The following PEX2 variants were observed in gnomAD, a reference collection of about 807,000 sequenced individuals.
The protein encoded by PEX2 is peroxisome biogenesis factor 2.
A neutral mutation model predicts 25.2 loss-of-function variants in PEX2; 19 were observed. The ratio of observed to expected loss-of-function variants is 0.75; its 90% CI spans 0.53 to 1.10. The LOEUF is 1.10. Ranked by LOEUF, PEX2 falls within the 50% of genes least tolerant of loss-of-function variation. The pLI is 0.00. For missense variants in PEX2, 347 were observed against 350.6 expected, an observed-to-expected ratio of 0.99 and a Z score of 0.08; for synonymous variants, 141 against 127.7, an observed-to-expected ratio of 1.10 and a Z score of -0.70.
rs764944484 is a variant in PEX2 at position 76,984,036 on chromosome 8, A to G, written c.143T>C (p.Leu48Pro). ...TQCFHGFKPG[L>P]LARFEPEVKA... ...CACCTCTGGCTCAAAGCGAGCTAAC[A>G]GCCCAGGTTTAAATCCATGAAAGCA... is the stretch of plus-strand genomic sequence containing the variant. Residue 48 changes from leucine (L) to proline (P), a missense_variant, in exon 4 of 4, where the codon CTG (leucine) becomes CCG (proline). By Grantham distance (98) the Leu-to-Pro change is moderately conservative. Coordinates refer to ENST00000357039, the MANE Select transcript of PEX2 (RefSeq NM_000318.3). 15 of 1,613,410 alleles carry G rather than the reference A, an allele frequency of 9.3e-6. No homozygotes were observed. The highest frequency in any genetic ancestry group is 1.2e-5 in the Non-Finnish European group (14 of 1,179,542).
intron 1 of PEX2, among the ~76,000 whole-genome samples, chr8:76,998,761 C>T (rs986893572): frequency 6.6e-6 from 1 of 152,136 alleles, no homozygotes; most frequent in African/African-American, 2.4e-5. Context: ...AAAATTTCTA[C>T]ACAAGTTCTC....
chr8:76,985,931 G>A (rs1163200074), intron 3 of PEX2, among the ~76,000 whole-genome samples: 1 of 152,138 alleles, frequency 6.6e-6, no homozygotes, highest in East Asian at 1.9e-4. Flanking sequence ...TTATTAGAAG[G>A]TAAAGTAAAC....
intron 1 of PEX2, chr8:76,999,734 A>G: frequency 2.4e-6 from 1 of 418,352 alleles, no homozygotes; most frequent in South Asian, 1.7e-5. Flanking sequence ...TGGAATGCAG[A>G]GGGGCTCAAC....
intron 1 of PEX2, among the ~76,000 whole-genome samples, chr8:76,996,185 C>T (rs1246311775): frequency 1.3e-5 from 2 of 152,188 alleles, no homozygotes; most frequent in African/African-American, 4.8e-5. Context: ...TTAACACCTA[C>T]CAGTTACTGA....
chr8:76,988,834 C>A (rs761171127), intron 1 of PEX2, among the ~76,000 whole-genome samples: 5 of 152,070 alleles, frequency 3.3e-5, no homozygotes, highest in South Asian at 4.1e-4. Context: ...ATCTTTTCAA[C>A]AATGTTTACA....
chr8:76,992,767 A>ATTCAATCTC (rs1807210493), intron 1 of PEX2, among the ~76,000 whole-genome samples: 1 of 152,236 alleles, frequency 6.6e-6, no homozygotes, highest in Non-Finnish European at 1.5e-5. Context: ...TCTCCTAGGT[A>ATTCAATCTC]CTAGAGATTC....
At chr8:76,993,449 C>T (rs970373810) in intron 1 of PEX2, among the ~76,000 whole-genome samples, 1 of 152,172 alleles carries the variant, frequency 6.6e-6, no homozygotes, top group African/African-American at 2.4e-5. Context: ...TATCCTTTCA[C>T]ATTTTTGGGT....
Position 76,983,691 on chromosome 8 carries a change from A to C in PEX2, c.488T>G (p.Phe163Cys), listed in dbSNP as rs781502702. Reference protein sequence around the residue: ...NFLIFLQRGKFATLTERLLGI... With the variant: ...NFLIFLQRGKCATLTERLLGI... The stretch of plus-strand genomic sequence containing the variant: ...TAGGAGACGTTCTGTCAAAGTTGCA[A>C]ACTTTCCCCTCTGAAGGAAAATCAA... The change falls in exon 4 of 4, where the codon TTT becomes TGT. Residue 163 changes from phenylalanine (F) to cysteine (C), a missense_variant. Physicochemically the swap from Phe to Cys is radical, Grantham distance 205. Coordinates refer to ENST00000357039, the MANE Select transcript of PEX2 (RefSeq NM_000318.3). 59 of 1,614,042 alleles carry C rather than the reference A, an allele frequency of 3.7e-5. No homozygotes were observed. Among genetic ancestry groups the C allele is most frequent in the Non-Finnish European group, 3.6e-5 (43 of 1,180,040 alleles).
At chr8:76,999,857 A>G in intron 1 of PEX2, 133 bp downstream of exon 1, 1 of 456,562 alleles carries the variant, frequency 2.2e-6, no homozygotes, top group South Asian at 1.5e-5. Context: ...TGCCTTTTCC[A>G]GGGAGACAGG....
chr8:76,987,610 TGAGA>T (rs1807044352), intron 2 of PEX2, among the ~76,000 whole-genome samples: 3 of 152,128 alleles, frequency 2.0e-5, no homozygotes, highest in Admixed American at 1.3e-4. Context: ...GAATAGAGGC[TGAGA>T]GAAAGACTGG....
intron 1 of PEX2, among the ~76,000 whole-genome samples, chr8:76,998,076 G>C (rs1300082192): frequency 6.6e-6 from 1 of 152,102 alleles, no homozygotes; most frequent in African/African-American, 2.4e-5. Context: ...CATCAAAAGA[G>C]GAAAAAATGA....
Position 76,983,319 on chromosome 8 carries a change from ACTT to A in PEX2, c.857_859del (p.Glu286del), listed in dbSNP as rs1460738027. ...TGATTTCAGTGGCTGCAGACTGTGT[ACTT>A]CTGTGCCACACTTAGGACAAGTAAA... On this transcript the variant is annotated inframe_deletion, in exon 4 of 4. Coordinates refer to ENST00000357039, the MANE Select transcript of PEX2 (RefSeq NM_000318.3). The A allele has an allele frequency of 6.2e-7, 1 of 1,613,884 alleles. No homozygotes were observed. Among genetic ancestry groups the A allele is most frequent in the Non-Finnish European group, 8.5e-7 (1 of 1,180,022 alleles).
In PEX2 at chr8:76,982,279, C is replaced by A. The variant is rs902903958; in HGVS notation, c.*982G>T. ...GCTGTTACTATTCCCATGCTAAAGA[C>A]CCCTTTTGTTTCAATAAAACTATCA... On this transcript the variant is annotated 3_prime_UTR_variant, in exon 4 of 4. Transcript: ENST00000357039. 9.2e-5 allele frequency: 14 copies of A among 152,092 alleles called. No individual in the cohort carries two copies. The highest frequency in any genetic ancestry group is 3.4e-4 in the African/African-American group (14 of 41,408). The allele number at this position is 152,092 out of a possible 1,614,324, so 9.4% of individuals were successfully genotyped here. A position where few individuals can be genotyped will look rare whatever the true frequency, so the allele number is the denominator to read the frequency against.
At chr8:76,987,997 G>A (rs967794044) in intron 2 of PEX2, 1 of 152,116 alleles carries the variant, frequency 6.6e-6, no homozygotes, top group African/African-American at 2.4e-5. Context: ...TGCCCCTCTG[G>A]TAAAACTAAT....
chr8:76,999,765 T>C (rs1486495389), intron 1 of PEX2: 1 of 450,752 alleles, frequency 2.2e-6, no homozygotes, highest in Non-Finnish European at 4.5e-6. Flanking sequence ...TGTGTGTTTA[T>C]TTTTAATGCC....
In PEX2 at chr8:76,982,877, CATT is replaced by C. The variant is rs1806878752; in HGVS notation, c.*381_*383del. 3.9e-6 allele frequency: 1 copy of C among 254,566 alleles called. No individual in the cohort carries two copies. Among genetic ancestry groups the C allele is most frequent in the Non-Finnish European group, 7.6e-6 (1 of 132,238 alleles). 15.8% of individuals were successfully genotyped at this position (254,566 alleles called of 1,614,324 possible). On this transcript the variant is annotated 3_prime_UTR_variant, in exon 4 of 4. Transcript: ENST00000357039. ...GTTTAAAACAGTCTCATAATTGTCA[CATT>C]ATCATATTATGTCAACTCTGAAAAT...
intron 1 of PEX2, among the ~76,000 whole-genome samples, chr8:76,990,515 T>C (rs1035849829): frequency 3.9e-5 from 6 of 152,206 alleles, no homozygotes; most frequent in Non-Finnish European, 8.8e-5. Flanking sequence ...GATTTTGATT[T>C]AAAGTGAGAG....
upstream of PEX2, among the ~76,000 whole-genome samples, chr8:77,000,425 G>T (rs1008825778): frequency 4.6e-5 from 7 of 151,830 alleles, no homozygotes; most frequent in Admixed American, 2.0e-4. Context: ...GGCTTTCTCT[G>T]CTTGCGGACA....
intron 3 of PEX2, among the ~76,000 whole-genome samples, chr8:76,985,503 G>A (rs1806977525): frequency 6.6e-6 from 1 of 152,146 alleles, no homozygotes; most frequent in East Asian, 1.9e-4. Context: ...GGTGGTGATT[G>A]ATGTAATTAA....
Sources: allele counts gnomAD v4.1 joint callset (sites outside exome capture counted in the v4.1 genomes callset), GRCh38; gene constraint gnomAD v4.1.1; transcripts MANE v1.5; gene names NCBI Gene and HGNC (gene_info 2026-07-23, HGNC 2026-07-21).